TMEM91: variants seen among roughly 807,000 people sequenced by gnomAD.
The protein encoded by TMEM91 is dispanin subfamily C member 3.
TMEM91 carries 6 observed loss-of-function variants against 13.3 expected under a neutral mutation model. That is an observed-to-expected ratio of 0.45 (90% CI 0.25 to 0.89). The LOEUF is 0.89. Among genes scored for constraint, TMEM91 ranks in the 40% least tolerant of loss-of-function variants. The probability of loss-of-function intolerance (pLI) is 0.19; values close to 1 mark genes in which losing one functional copy is unlikely to be tolerated. For synonymous variants in TMEM91, 87 were observed against 101.7 expected (o/e 0.86, Z 0.87); for missense variants, 193 against 228.7 (o/e 0.84, Z 1.01).
chr19:41,382,024 C>G (rs2038899722), intron 2 of TMEM91, among the ~76,000 whole-genome samples: 1 of 151,884 alleles, frequency 6.6e-6, no homozygotes, highest in African/African-American at 2.4e-5. Flanking sequence ...TACCACCACG[C>G]CTGGCTAATT....
At chr19:41,380,190 A>G (rs577372261) in intron 2 of TMEM91, among the ~76,000 whole-genome samples, 18 of 151,904 alleles carry the variant, frequency 1.2e-4, no homozygotes, top group Non-Finnish European at 2.5e-4. Flanking sequence ...CACCGTGCCC[A>G]GCCGAGTCTT....
Position 41,383,078 on chromosome 19 carries a change from G to A in TMEM91, c.360+157G>A, listed in dbSNP as rs2038930942. Reference sequence around the variant, plus strand: ...TGCCACTCTCTGCAAGATTTTTTTTGAGTCTCACTTTGTCGCCCAGGCTGG... The same window carrying A: ...TGCCACTCTCTGCAAGATTTTTTTTAAGTCTCACTTTGTCGCCCAGGCTGG... On this transcript the variant is annotated intron_variant, in intron 3 of 3. Transcript: ENST00000392002. 56 of 1,101,668 alleles carry A rather than the reference G, an allele frequency of 5.1e-5. 1 individual carries two copies. The South Asian group carries it at 8.4e-4, about 16-fold the overall frequency. 68.2% of individuals were successfully genotyped at this position (1,101,668 alleles called of 1,614,324 possible).
rs367907745 is a variant in TMEM91 at position 41,378,483 on chromosome 19, C to T, written c.174C>T (p.Ser58=). ...QFLSPPLPSV[S]AGLGEPRPPD... ...TGTCACCGCCTCTTCCCTCCGTGAG[C>T]GCTGGCCTGGGGGAACCAAGGCCCC... Residue 58 remains serine, a synonymous_variant, in exon 2 of 4, where the codon AGC becomes AGT. Transcript: ENST00000392002. 1.9e-5 allele frequency: 30 copies of T among 1,613,962 alleles called. No individual in the cohort carries two copies. The highest frequency in any genetic ancestry group is 8.9e-5 in the East Asian group (4 of 44,876).
upstream of TMEM91, among the ~76,000 whole-genome samples, chr19:41,374,659 G>C (rs2038677087): frequency 6.6e-6 from 1 of 152,054 alleles, no homozygotes; most frequent in Admixed American, 6.6e-5. Flanking sequence ...TGAAGGCATT[G>C]TCTAGAGGCC....
At chr19:41,379,831 G>C (rs1218241962) in intron 2 of TMEM91, among the ~76,000 whole-genome samples, 4 of 150,776 alleles carry the variant, frequency 2.7e-5, no homozygotes, top group Non-Finnish European at 5.9e-5. Flanking sequence ...GGTGGAACTA[G>C]AACAGTCAGG....
intron 1 of TMEM91, among the ~76,000 whole-genome samples, chr19:41,370,033 G>A (rs2038590120): frequency 6.6e-6 from 1 of 151,766 alleles, no homozygotes; most frequent in Non-Finnish European, 1.5e-5. Flanking sequence ...GCAGCTCCTG[G>A]TAATCACCAT....
intron 1 of TMEM91, among the ~76,000 whole-genome samples, chr19:41,370,895 G>T (rs1369784040): frequency 6.6e-6 from 1 of 150,532 alleles, no homozygotes; most frequent in Non-Finnish European, 1.5e-5. Context: ...TAGAGACAGG[G>T]TTTCACCATG....
At chr19:41,383,560 G>T in intron 3 of TMEM91, 155 bp from the exon 4 acceptor site, 2 of 1,606,244 alleles carry the variant, frequency 1.2e-6, no homozygotes, top group South Asian at 1.1e-5. Flanking sequence ...TAACCACTCA[G>T]CATCCCCAGT....
rs569382453 is a variant in TMEM91, at chr19:41,379,137, C to CTTTT, written c.210+639_210+642dup. Among the ~76,000 whole-genome samples, 26 of 109,048 alleles carry CTTTT rather than the reference C, an allele frequency of 2.4e-4. 1 individual carries two copies. In the South Asian group the frequency reaches 5.0e-3, roughly 21 times the overall value. The allele number at this position is 109,048 out of a possible 152,430, so 71.5% of individuals were successfully genotyped here. ...GTGTGAGCCACCATGCCCAGCCTTC[C>CTTTT]TTTTTTTTTTTTTTTTTTTTTTTTA... On this transcript the variant is annotated intron_variant, in intron 2 of 3. Transcript: ENST00000392002.
chr19:41,378,605 G>A, intron 2 of TMEM91, 86 bp downstream of exon 2: 1 of 1,396,176 alleles, frequency 7.2e-7, no homozygotes, highest in Admixed American at 2.0e-5. Context: ...GTTGACAGCT[G>A]TGCCGATCTG....
chr19:41,380,162 C>G (rs959323379), intron 2 of TMEM91, among the ~76,000 whole-genome samples: 2 of 151,890 alleles, frequency 1.3e-5, no homozygotes, highest in Admixed American at 6.6e-5. Flanking sequence ...CCCAGAGTGC[C>G]AGATTACAGG....
Position 41,383,440 on chromosome 19 carries a change from C to T in TMEM91, c.361-275C>T, listed in dbSNP as rs1378076180. The T allele has an allele frequency of 2.6e-6, 3 of 1,162,684 alleles. No individual in the cohort carries two copies. The Admixed American group carries it at 9.8e-5, about 38-fold the overall frequency. The allele number at this position is 1,162,684 out of a possible 1,614,324, so 72.0% of individuals were successfully genotyped here. ...GTGGGAATAATTGCTACCTCTGGGTCAATGTGAGAATCAAATGAGTTAGAA... is the reference window on the plus strand; with the variant it reads ...GTGGGAATAATTGCTACCTCTGGGTTAATGTGAGAATCAAATGAGTTAGAA... On this transcript the variant is annotated intron_variant, in intron 3 of 3. Coordinates refer to ENST00000392002, the MANE Select transcript of TMEM91 (RefSeq NM_001098821.2).
At chr19:41,373,372 GA>G (rs1315920776), upstream of TMEM91, among the ~76,000 whole-genome samples, 1 of 151,834 alleles carries the variant, frequency 6.6e-6, no homozygotes, top group African/African-American at 2.4e-5. Flanking sequence ...CTAGAGGGAT[GA>G]GGGGACCCAC....
chr19:41,371,664 T>C (rs1241418318), upstream of TMEM91, among the ~76,000 whole-genome samples: 1 of 151,906 alleles, frequency 6.6e-6, no homozygotes, highest in Non-Finnish European at 1.5e-5. Flanking sequence ...GTGATCGGCC[T>C]GCCTCAGCCT....
At chr19:41,364,725 G>A (rs1176074338) in intron 1 of TMEM91, among the ~76,000 whole-genome samples, 1 of 152,050 alleles carries the variant, frequency 6.6e-6, no homozygotes, top group Non-Finnish European at 1.5e-5. Context: ...GCAAGGAGCG[G>A]TTGGGGTAGC....
chr19:41,381,174 A>G (rs558223211), intron 2 of TMEM91, among the ~76,000 whole-genome samples: 1 of 148,684 alleles, frequency 6.7e-6, no homozygotes, highest in African/African-American at 2.5e-5. Context: ...GGAGCATTTT[A>G]TAATCTCCAT....
chr19:41,378,529 A>G lies in TMEM91; in HGVS notation c.210+10A>G, dbSNP rs374107932. 1.1e-5 allele frequency: 18 copies of G among 1,613,822 alleles called. No homozygotes were observed. The highest frequency in any genetic ancestry group is 9.3e-5 in the African/African-American group (7 of 74,934). ...GCCCCCTGATGTTGAGGTAGGAAAC[A>G]GCAGGCCTTAGTGGAAGGCACGGGA... On this transcript the variant is annotated intron_variant, in intron 2 of 3. Transcript: ENST00000392002.
At chr19:41,379,796 T>C (rs993342629) in intron 2 of TMEM91, among the ~76,000 whole-genome samples, 3 of 151,908 alleles carry the variant, frequency 2.0e-5, no homozygotes, top group Admixed American at 6.6e-5. Context: ...CTCTGGATCT[T>C]TCTTGAGGTT....
upstream of TMEM91, among the ~76,000 whole-genome samples, chr19:41,371,937 A>G (rs372726933): frequency 2.6e-3 from 394 of 151,620 alleles, 4 homozygotes; most frequent in African/African-American, 9.0e-3. Context: ...TGCAGTGGCT[A>G]TCACAGCCAC....
Sources: gnomAD v4.1 joint callset for allele counts (sites outside exome capture counted in the v4.1 genomes callset) on GRCh38, gnomAD v4.1.1 for gene constraint, MANE v1.5 for transcripts, NCBI Gene and HGNC (gene_info 2026-07-23, HGNC 2026-07-21) for gene names.